Variants in LARGE1 observed in about 807,000 individuals in gnomAD.
LARGE1 encodes the protein xylosyl- and glucuronyltransferase LARGE1.
LARGE1 carries 43 observed loss-of-function variants against 87.6 expected under a neutral mutation model. The observed-to-expected ratio is 0.49, with a 90% confidence interval of 0.38 to 0.63. The LOEUF (loss-of-function observed/expected upper bound fraction) is 0.63, where lower values mean the gene tolerates loss of function less well. Ranked by LOEUF, LARGE1 falls within the 30% of genes least tolerant of loss-of-function variation. The pLI, the probability that LARGE1 is intolerant of heterozygous loss-of-function variation, is 0.00. For missense variants in LARGE1, 802 were observed against 1,000.2 expected, an observed-to-expected ratio of 0.80 and a Z score of 2.67; for synonymous variants, 434 against 394.6, an observed-to-expected ratio of 1.10 and a Z score of -1.18.
the LARGE1 span, among the ~76,000 whole-genome samples, chr22:33,085,181 C>T: frequency 5.9e-5 from 9 of 152,312 alleles, no homozygotes; most frequent in African/African-American, 2.2e-4. Context: ...GAGGCTGAGG[C>T]AGGAGAATCA....
intron 6 of LARGE1, among the ~76,000 whole-genome samples, chr22:33,523,074 G>A (rs2071694442): frequency 6.6e-6 from 1 of 151,732 alleles, no homozygotes; most frequent in South Asian, 2.1e-4. Flanking sequence ...GCGCGATCTC[G>A]GCTCACTGCA....
At chr22:33,286,521 G>C (rs1931566941) in intron 12 of LARGE1, among the ~76,000 whole-genome samples, 1 of 152,158 alleles carries the variant, frequency 6.6e-6, no homozygotes, top group Non-Finnish European at 1.5e-5. Flanking sequence ...TGAAGATACA[G>C]GGTGAAAAGA....
chr22:33,277,377 C>T lies in LARGE1; in HGVS notation c.1878-122G>A, dbSNP rs1232470076. ...GTCCTCGGGTGAGTTGAACTGTCTC[C>T]CTCCCAAAAGCTATGTTGAAGTCCT... is the stretch of plus-strand genomic sequence containing the variant. On this transcript the variant is annotated intron_variant, in intron 13 of 14. Transcript: ENST00000397394. The T allele has an allele frequency of 1.3e-5, 12 of 931,690 alleles. No homozygotes were observed. The East Asian group carries it at 1.3e-4, about 10-fold the overall frequency. 57.7% of individuals were successfully genotyped at this position (931,690 alleles called of 1,614,324 possible). A position where few individuals can be genotyped will look rare whatever the true frequency, so the allele number is the denominator to read the frequency against.
intron 1 of LARGE1, among the ~76,000 whole-genome samples, chr22:33,768,973 G>A (rs929794285): frequency 3.9e-5 from 6 of 152,136 alleles, no homozygotes; most frequent in Admixed American, 2.6e-4. Context: ...GTAAATAACT[G>A]GTTAATAAAC....
intron 6 of LARGE1, among the ~76,000 whole-genome samples, chr22:33,543,014 T>C (rs1259511008): frequency 6.6e-6 from 1 of 152,188 alleles, no homozygotes; most frequent in Non-Finnish European, 1.5e-5. Context: ...CAGTCCTTCT[T>C]TCCTACATGT....
chr22:33,131,887 G>A, the LARGE1 span, among the ~76,000 whole-genome samples: 2 of 151,746 alleles, frequency 1.3e-5, no homozygotes, highest in Non-Finnish European at 2.9e-5. Context: ...TTGGACTCAC[G>A]GTTCCATATA....
intron 11 of LARGE1, among the ~76,000 whole-genome samples, chr22:33,198,966 T>C (rs1314293336): frequency 6.6e-6 from 1 of 152,196 alleles, no homozygotes; most frequent in Non-Finnish European, 1.5e-5. Context: ...CCACCAACAG[T>C]GTATAAATAT....
At chr22:33,441,048 C>T (rs758831698) in intron 6 of LARGE1, among the ~76,000 whole-genome samples, 3 of 140,988 alleles carry the variant, frequency 2.1e-5, no homozygotes, top group Non-Finnish European at 4.5e-5. Context: ...GTCTCAAACT[C>T]AGCTGCTGCT....
intron 2 of LARGE1, among the ~76,000 whole-genome samples, chr22:33,743,354 G>C (rs1462790789): frequency 6.6e-6 from 1 of 152,112 alleles, no homozygotes; most frequent in African/African-American, 2.4e-5. Context: ...ACCAGCCATG[G>C]ATCACTCGTC....
chr22:33,224,541 C>T (rs1165872648), intron 11 of LARGE1, among the ~76,000 whole-genome samples: 1 of 152,176 alleles, frequency 6.6e-6, no homozygotes, highest in East Asian at 1.9e-4. Context: ...TGTCTTTCTA[C>T]TACAGTAAAG....
chr22:33,174,746 A>T (rs1922770624), intron 11 of LARGE1, among the ~76,000 whole-genome samples: 1 of 152,176 alleles, frequency 6.6e-6, no homozygotes, highest in Non-Finnish European at 1.5e-5. Context: ...ATCTAGGAGA[A>T]ATGGATAAAT....
In LARGE1 at chr22:33,260,955, C is replaced by A. The variant is rs539036253; in HGVS notation, c.1730+43274G>T. 2.6e-5 allele frequency among the ~76,000 whole-genome samples: 4 copies of A among 152,262 alleles called. No individual in the cohort carries two copies. In the East Asian group the frequency reaches 7.7e-4, roughly 29 times the overall value. Reference sequence around the variant, plus strand: ...AGCACAGAATTGGAAAACGGCACATCCCCACCCCAGAAATGTCAGGGTTTT... The same window carrying A: ...AGCACAGAATTGGAAAACGGCACATACCCACCCCAGAAATGTCAGGGTTTT... On this transcript the variant is annotated intron_variant, in intron 11 of 11. Transcript: ENST00000608642.
chr22:33,100,346 T>A, the LARGE1 span, among the ~76,000 whole-genome samples: 237 of 70,432 alleles, frequency 3.4e-3, 3 homozygotes, highest in African/African-American at 0.011. Flanking sequence ...TGGGACTCCA[T>A]CTCAAAAAAA....
At chr22:33,116,567 G>T in the LARGE1 span, among the ~76,000 whole-genome samples, 6 of 151,088 alleles carry the variant, frequency 4.0e-5, no homozygotes, top group Non-Finnish European at 7.4e-5. Flanking sequence ...GTTTCACCGT[G>T]TTAGCCAGGA....
intron 1 of LARGE1, among the ~76,000 whole-genome samples, chr22:33,820,137 T>C (rs554708975): frequency 1.3e-5 from 2 of 152,296 alleles, no homozygotes; most frequent in Admixed American, 6.5e-5. Context: ...TGGGGGTCCA[T>C]TCAGCCTGCT....
intron 1 of LARGE1, among the ~76,000 whole-genome samples, chr22:33,817,221 C>A (rs1277657224): frequency 6.6e-6 from 1 of 152,142 alleles, no homozygotes; most frequent in Non-Finnish European, 1.5e-5. Context: ...AGCCTTGTCT[C>A]CCATCTAGCC....
chr22:33,115,391 A>G, the LARGE1 span, among the ~76,000 whole-genome samples: 1 of 151,828 alleles, frequency 6.6e-6, no homozygotes, highest in African/African-American at 2.4e-5. Context: ...AGCCTGGCTA[A>G]GATGGTGAAA....
the LARGE1 span, among the ~76,000 whole-genome samples, chr22:33,089,665 T>C: frequency 6.6e-6 from 1 of 151,774 alleles, no homozygotes; most frequent in Non-Finnish European, 1.5e-5. Context: ...TTCAGCTAAT[T>C]TTTAAATTTT....
chr22:33,145,195 A>G, the LARGE1 span, among the ~76,000 whole-genome samples: 2 of 152,128 alleles, frequency 1.3e-5, no homozygotes, highest in African/African-American at 2.4e-5. Flanking sequence ...TTCTTTTGAA[A>G]TCTAGGAGCC....
Sources: gnomAD v4.1 joint callset for allele counts (sites outside exome capture counted in the v4.1 genomes callset) on GRCh38, gnomAD v4.1.1 for gene constraint, MANE v1.5 for transcripts, NCBI Gene and HGNC (gene_info 2026-07-23, HGNC 2026-07-21) for gene names.